The following OSTM1 variants were observed in gnomAD, a reference collection of about 807,000 sequenced individuals.
The protein encoded by OSTM1 is osteoclastogenesis associated transmembrane protein 1, also known as osteopetrosis-associated transmembrane protein 1.
In OSTM1, 26 loss-of-function variants were observed where a neutral mutation model predicts 35.4. The observed-to-expected ratio is 0.73, with a 90% CI of 0.54 to 1.02. The LOEUF is 1.02. Among genes scored for constraint, OSTM1 ranks in the 50% least tolerant of loss-of-function variants. OSTM1 has a pLI of 0.00. For synonymous variants in OSTM1, 181 were observed against 165.0 expected (o/e 1.10, Z -0.75); for missense variants, 366 against 409.6 (o/e 0.89, Z 0.92).
At chr6:108,068,082 T>A (rs915240028) in intron 1 of OSTM1, among the ~76,000 whole-genome samples, 1 of 152,166 alleles carries the variant, frequency 6.6e-6, no homozygotes, top group Non-Finnish European at 1.5e-5. Context: ...TTGACAGATA[T>A]ATCTCCAATT....
intron 1 of OSTM1, among the ~76,000 whole-genome samples, chr6:108,067,113 GTC>G (rs1334605710): frequency 6.6e-6 from 1 of 152,098 alleles, no homozygotes. Context: ...TCACTTTTCT[GTC>G]TGCTCATTCT....
chr6:108,054,053 T>C (rs1284983898), intron 3 of OSTM1, among the ~76,000 whole-genome samples: 3 of 152,226 alleles, frequency 2.0e-5, no homozygotes, highest in Non-Finnish European at 4.4e-5. Context: ...TACTCAAAGT[T>C]ATCTTACTAA....
chr6:108,065,531 C>G (rs1582396902), intron 1 of OSTM1, among the ~76,000 whole-genome samples: 1 of 152,162 alleles, frequency 6.6e-6, no homozygotes, highest in East Asian at 1.9e-4. Flanking sequence ...AGCCACCATG[C>G]CTGGCCTATT....
chr6:108,074,177 G>A, intron 1 of OSTM1, 73 bp downstream of exon 1: 2 of 1,463,868 alleles, frequency 1.4e-6, no homozygotes, highest in South Asian at 1.2e-5. Context: ...GGCCCCCAGC[G>A]CTGACCATCA....
intron 3 of OSTM1, among the ~76,000 whole-genome samples, chr6:108,053,579 C>T (rs1354497228): frequency 7.2e-5 from 11 of 152,172 alleles, no homozygotes; most frequent in Non-Finnish European, 1.6e-4. Context: ...GGCACGATCT[C>T]AACTCACTGC....
chr6:108,044,905 T>C, intron 5 of OSTM1, 65 bp from the exon 6 acceptor site: 1 of 814,044 alleles, frequency 1.2e-6, no homozygotes. Context: ...TATTTACTAT[T>C]TTTATGTAAT....
At chr6:108,053,727 A>G (rs1772122597) in intron 3 of OSTM1, among the ~76,000 whole-genome samples, 1 of 152,148 alleles carries the variant, frequency 6.6e-6, no homozygotes, top group South Asian at 2.1e-4. Flanking sequence ...TGGCCTCCCA[A>G]GGTGCTGGGA....
intron 1 of OSTM1, among the ~76,000 whole-genome samples, chr6:108,065,382 G>C (rs1204640661): frequency 6.6e-6 from 1 of 151,648 alleles, no homozygotes; most frequent in Non-Finnish European, 1.5e-5. Context: ...TGGGACTACA[G>C]GCACATGCCA....
intron 2 of OSTM1, among the ~76,000 whole-genome samples, chr6:108,056,246 C>T (rs537842937): frequency 3.6e-4 from 55 of 152,276 alleles, no homozygotes; most frequent in Middle Eastern, 3.4e-3. Context: ...TCATTATCTC[C>T]ATTTTATAAA....
rs778551026 is a variant in OSTM1 at position 108,051,141 on chromosome 6, G to A, written c.673C>T (p.Arg225Cys). 44 of 1,612,960 alleles carry A rather than the reference G, an allele frequency of 2.7e-5. No homozygotes were observed. Among genetic ancestry groups the A allele is most frequent in the South Asian group, 3.3e-5 (3 of 91,046 alleles). Residue 225 changes from arginine to cysteine, a missense_variant, in exon 4 of 6, where the codon CGT (arginine) becomes TGT (cysteine). By Grantham distance (180) the Arg-to-Cys change is radical. This residue lies in a region of OSTM1 where 125 missense variants were observed against 151.7 expected (regional missense o/e 0.82). Transcript: ENST00000193322. Reference sequence around the variant, plus strand: ...CTACTCAGAGTTTTGTATGCTTCACGGCAGTTTTTGCATACTTCTGAATAA... The same window carrying A: ...CTACTCAGAGTTTTGTATGCTTCACAGCAGTTTTTGCATACTTCTGAATAA... ...KNYSEVCKNCREAYKTLSSLY... is the reference protein window; with the variant it reads ...KNYSEVCKNCCEAYKTLSSLY...
At chr6:108,050,109 A>C (rs1257253176) in intron 4 of OSTM1, among the ~76,000 whole-genome samples, 1 of 152,192 alleles carries the variant, frequency 6.6e-6, no homozygotes, top group Non-Finnish European at 1.5e-5. Flanking sequence ...TTTTTTGACC[A>C]TTCAATTAAT....
chr6:108,059,955 T>A (rs970760972), intron 2 of OSTM1, among the ~76,000 whole-genome samples: 3 of 152,236 alleles, frequency 2.0e-5, no homozygotes, highest in African/African-American at 7.2e-5. Context: ...TTCTGTTAAA[T>A]TTTTTAAATT....
chr6:108,074,082 A>C (rs996699035), intron 1 of OSTM1, among the ~76,000 whole-genome samples, 168 bp downstream of exon 1: 1 of 152,110 alleles, frequency 6.6e-6, no homozygotes, highest in African/African-American at 2.4e-5. Flanking sequence ...CCAAATCCCA[A>C]GCCCCATAAT....
At chr6:108,065,304 A>C (rs1214771485) in intron 1 of OSTM1, among the ~76,000 whole-genome samples, 2 of 149,944 alleles carry the variant, frequency 1.3e-5, no homozygotes, top group African/African-American at 4.9e-5. Context: ...CAGTGACGCA[A>C]TCTCAGCTCA....
intron 2 of OSTM1, among the ~76,000 whole-genome samples, chr6:108,061,829 C>A (rs978031899): frequency 4.0e-5 from 6 of 151,780 alleles, no homozygotes; most frequent in Non-Finnish European, 7.4e-5. Context: ...AGGTGTGAGC[C>A]TCCCCACTGA....
At chr6:108,068,526 A>C (rs1404594659) in intron 1 of OSTM1, among the ~76,000 whole-genome samples, 4 of 152,044 alleles carry the variant, frequency 2.6e-5, no homozygotes, top group African/African-American at 4.8e-5. Flanking sequence ...GGAAATCATC[A>C]CTACCTTTTC....
chr6:108,049,606 T>C lies in OSTM1; in HGVS notation c.784-188A>G. The stretch of plus-strand genomic sequence containing the variant: ...AACCTGGTTCAAAATACAGTCATTG[T>C]AGAAATTTATATCCATACAGAAATT... On this transcript the variant is annotated intron_variant, in intron 4 of 5. Coordinates refer to ENST00000193322, the MANE Select transcript of OSTM1 (RefSeq NM_014028.4). 10 of 1,364,688 alleles carry C rather than the reference T, an allele frequency of 7.3e-6. No homozygotes were observed. In the South Asian group the frequency reaches 1.6e-4, roughly 22 times the overall value. The allele number at this position is 1,364,688 out of a possible 1,614,324, so 84.5% of individuals were successfully genotyped here. A position where few individuals can be genotyped will look rare whatever the true frequency, so the allele number is the denominator to read the frequency against.
intron 3 of OSTM1, among the ~76,000 whole-genome samples, chr6:108,053,446 C>A (rs1050312511): frequency 6.6e-6 from 1 of 152,198 alleles, no homozygotes; most frequent in East Asian, 1.9e-4. Flanking sequence ...GAATACTAAA[C>A]CCTTTCTGAT....
chr6:108,074,387 G>T lies in OSTM1; in HGVS notation c.265C>A (p.Leu89Met), dbSNP rs1016123367. The T allele has an allele frequency of 1.2e-5, 19 of 1,584,358 alleles. No homozygotes were observed. The highest frequency in any genetic ancestry group is 1.6e-5 in the Non-Finnish European group (19 of 1,165,584). The change falls in exon 1 of 6, where the codon CTG becomes ATG. Residue 89 changes from leucine (L) to methionine (M), a missense_variant. This residue lies in a region of OSTM1 where 236 missense variants were observed against 239.3 expected (regional missense o/e 0.99). Coordinates refer to ENST00000193322, the MANE Select transcript of OSTM1 (RefSeq NM_014028.4). ...TCTGCGCTGCTGTTGGCGAAGTCCAGCAGGAGCTCCCGGCACTCAGGATCC... is the reference window on the plus strand; with the variant it reads ...TCTGCGCTGCTGTTGGCGAAGTCCATCAGGAGCTCCCGGCACTCAGGATCC... ...DLDPECRELL[L>M]DFANSSAELT...
Sources: gnomAD v4.1 joint callset for allele counts (sites outside exome capture counted in the v4.1 genomes callset) on GRCh38, gnomAD v4.1.1 for gene constraint, gnomAD v4.1.1 regional missense constraint, MANE v1.5 for transcripts, NCBI Gene and HGNC (gene_info 2026-07-23, HGNC 2026-07-21) for gene names.